Variants in SCD observed in about 807,000 individuals in gnomAD.
The protein encoded by SCD is stearoyl-CoA desaturase.
Under a neutral mutation model 35.7 loss-of-function variants are expected in SCD, and 4 were observed. The observed-to-expected ratio is 0.11, with a 90% CI of 0.06 to 0.26. The LOEUF (loss-of-function observed/expected upper bound fraction) is 0.26. SCD is among the 10% of genes least tolerant of loss of function. The pLI is 1.00. For synonymous variants in SCD, 150 were observed against 170.2 expected (o/e 0.88, Z 0.92); for missense variants, 282 against 460.7 (o/e 0.61, Z 3.55).
Position 100,347,486 on chromosome 10 carries a change from C to A in SCD, c.-19C>A. 1 of 1,613,740 alleles carries A rather than the reference C, an allele frequency of 6.2e-7. No homozygotes were observed. The highest frequency in any genetic ancestry group is 8.5e-7 in the Non-Finnish European group (1 of 1,179,928). On this transcript the variant is annotated 5_prime_UTR_variant, in exon 1 of 6. Coordinates refer to ENST00000370355, the MANE Select transcript of SCD (RefSeq NM_005063.5). ...AGCCTCAGCCCCCTGGAAAGTGATC[C>A]CGGCATCCGAGAGCCAAGATGCCGG... is the stretch of plus-strand genomic sequence containing the variant.
intron 5 of SCD, among the ~76,000 whole-genome samples, chr10:100,357,705 A>C (rs1429620502): frequency 2.6e-5 from 4 of 151,550 alleles, no homozygotes. Flanking sequence ...CATGGTGCCC[A>C]GGCTGGTCTT....
chr10:100,352,713 A>T lies in SCD; in HGVS notation c.441+217A>T, dbSNP rs1024314317. Among the ~76,000 whole-genome samples, 4 of 152,088 alleles carry T rather than the reference A, an allele frequency of 2.6e-5. No homozygotes were observed. In the East Asian group the frequency reaches 7.7e-4, roughly 29 times the overall value. ...GGGAACTGGAAGATAATTGGAAAAT[A>T]CTCCTGATGTGTAGGAATATTTTTG... On this transcript the variant is annotated intron_variant, in intron 3 of 5. Coordinates refer to ENST00000370355, the MANE Select transcript of SCD (RefSeq NM_005063.5). The surrounding 1 kb of genome is among the most constrained non-coding windows in gnomAD (Gnocchi z 4.2).
chr10:100,363,297 G>C lies in SCD; in HGVS notation c.*2364G>C, dbSNP rs1476323522. On this transcript the variant is annotated 3_prime_UTR_variant, in exon 6 of 6. Coordinates refer to ENST00000370355, the MANE Select transcript of SCD (RefSeq NM_005063.5). ...GCTCAGTCATCAAAGCAGAAGTCTG[G>C]CTTTGCTCTATTAAGATTGGAAATG... 1 of 152,270 alleles carries C rather than the reference G, an allele frequency of 6.6e-6. No homozygotes were observed. The highest frequency in any genetic ancestry group is 2.4e-5 in the African/African-American group (1 of 41,450). 9.4% of individuals were successfully genotyped at this position (152,270 alleles called of 1,614,324 possible). A position where few individuals can be genotyped will look rare whatever the true frequency, so the allele number is the denominator to read the frequency against.
rs190204038 is a variant in SCD at position 100,354,022 on chromosome 10, C to A, written c.442-405C>A. Among the ~76,000 whole-genome samples the A allele has an allele frequency of 5.3e-3, 810 of 152,308 alleles. 12 individuals carry two copies. Among genetic ancestry groups the A allele is most frequent in the African/African-American group, 0.018 (749 of 41,570 alleles). Reference sequence around the variant, plus strand: ...GCTGCAGCTTATCTACTGATTGAGACCCTAGGACACAAGGCTGCCTGCCTC... The same window carrying A: ...GCTGCAGCTTATCTACTGATTGAGAACCTAGGACACAAGGCTGCCTGCCTC... On this transcript the variant is annotated intron_variant, in intron 3 of 5. Coordinates refer to ENST00000370355, the MANE Select transcript of SCD (RefSeq NM_005063.5).
intron 1 of SCD, 33 bp from the exon 2 acceptor site, chr10:100,348,031 T>C: frequency 6.2e-7 from 1 of 1,604,100 alleles, no homozygotes; most frequent in Non-Finnish European, 8.5e-7. Context: ...CACGTGTCTC[T>C]TCTCCTGACT....
chr10:100,356,779 C>CA lies in SCD; in HGVS notation c.880+17dup. On this transcript the variant is annotated intron_variant, in intron 5 of 5. Coordinates refer to ENST00000370355, the MANE Select transcript of SCD (RefSeq NM_005063.5). This position sits in a 1 kb window ranked among gnomAD's most constrained non-coding sequence, Gnocchi z 4.1. ...TGGAGCTGTGGGTAAGTCAGCTGTC[C>CA]AAGTAAGACTACATCCAGTGGTCTG... The CA allele has an allele frequency of 6.3e-7, 1 of 1,594,818 alleles. No individual in the cohort carries two copies. Among genetic ancestry groups the CA allele is most frequent in the Non-Finnish European group, 8.6e-7 (1 of 1,162,782 alleles).
Position 100,360,876 on chromosome 10 carries a change from G to T in SCD, c.1023G>T (p.Lys341Asn). Residue 341 changes from lysine (K) to asparagine (N), a missense_variant, in exon 6 of 6, where the codon AAG (lysine) becomes AAT (asparagine). Transcript: ENST00000370355. ...CCTATGACCGGAAGAAAGTCTCCAA[G>T]GCCGCCATCTTGGCCAGGATTAAAA... ...GLAYDRKKVS[K>N]AAILARIKRT... 1 of 1,613,948 alleles carries T rather than the reference G, an allele frequency of 6.2e-7. No individual in the cohort carries two copies. The highest frequency in any genetic ancestry group is 1.1e-5 in the South Asian group (1 of 91,074).
Position 100,356,771 on chromosome 10 carries a change from C to T in SCD, c.880+7C>T. 6.2e-7 allele frequency: 1 copy of T among 1,610,162 alleles called. No individual in the cohort carries two copies. Reference sequence around the variant, plus strand: ...GTTTCACTTGGAGCTGTGGGTAAGTCAGCTGTCCAAGTAAGACTACATCCA... The same window carrying T: ...GTTTCACTTGGAGCTGTGGGTAAGTTAGCTGTCCAAGTAAGACTACATCCA... On this transcript the variant is annotated splice_region_variant and intron_variant, in intron 5 of 5. Transcript: ENST00000370355. The surrounding 1 kb of genome is among the most constrained non-coding windows in gnomAD (Gnocchi z 4.1).
In SCD at chr10:100,348,118, C is replaced by T. The variant is rs777488424; in HGVS notation, c.82C>T (p.Leu28=). The T allele has an allele frequency of 5.0e-6, 8 of 1,613,866 alleles. No individual in the cohort carries two copies. The highest frequency in any genetic ancestry group is 5.9e-6 in the Non-Finnish European group (7 of 1,179,844). Residue 28 remains leucine (L), a synonymous_variant, in exon 2 of 6, where the codon CTG becomes TTG. Transcript: ENST00000370355. ...CATTACAGCGCCTCCCTCCAGGGTC[C>T]TGCAGAATGGAGGAGATAAGTTGGA... ...TTITAPPSRV[L]QNGGDKLETM...
chr10:100,355,141 G>A lies in SCD; in HGVS notation c.647+509G>A, dbSNP rs530246317. Among the ~76,000 whole-genome samples the A allele has an allele frequency of 4.9e-4, 74 of 152,296 alleles. 1 individual carries two copies. The highest frequency in any genetic ancestry group is 2.2e-4 in the Non-Finnish European group (15 of 68,032). On this transcript the variant is annotated intron_variant, in intron 4 of 5. Transcript: ENST00000370355. ...TCTCACTCACTATATTGCCCAGGCC[G>A]GTAGCTTAGTTCTTACCTTCAAAAA...
At position 100,361,140 on chromosome 10, in the gene SCD, C is replaced by T; in HGVS notation, c.*207C>T. The T allele has an allele frequency of 1.7e-6, 1 of 574,924 alleles. No homozygotes were observed. The highest frequency in any genetic ancestry group is 1.9e-5 in the African/African-American group (1 of 53,488). The allele number at this position is 574,924 out of a possible 1,614,324, so 35.6% of individuals were successfully genotyped here. ...AGCTGATATTATTTCTTCTCTTATC[C>T]TCTCTCTCTTCTAGGCCCATTGTCC... On this transcript the variant is annotated 3_prime_UTR_variant, in exon 6 of 6. Transcript: ENST00000370355.
At chr10:100,348,580 T>C (rs1445500001) in intron 2 of SCD, among the ~76,000 whole-genome samples, 1 of 112,768 alleles carries the variant, frequency 8.9e-6, no homozygotes. Flanking sequence ...CTTGTGGGCT[T>C]TGAAGTGTGC....
At chr10:100,355,019 T>C (rs1589699140) in intron 4 of SCD, among the ~76,000 whole-genome samples, 1 of 152,156 alleles carries the variant, frequency 6.6e-6, no homozygotes, top group East Asian at 1.9e-4. Flanking sequence ...CAGCCTTGAC[T>C]TCCCAGGCTC....
chr10:100,347,458 C>T lies in SCD; in HGVS notation c.-47C>T. 1 of 1,609,148 alleles carries T rather than the reference C, an allele frequency of 6.2e-7. No homozygotes were observed. The highest frequency in any genetic ancestry group is 1.1e-5 in the South Asian group (1 of 90,566). On this transcript the variant is annotated 5_prime_UTR_variant, in exon 1 of 6. Transcript: ENST00000370355. ...CCTCCGGCGACCCCGAACTCCGCTCCGGAGCCTCAGCCCCCTGGAAAGTGA... is the reference window on the plus strand; with the variant it reads ...CCTCCGGCGACCCCGAACTCCGCTCTGGAGCCTCAGCCCCCTGGAAAGTGA...
At chr10:100,349,292 C>A (rs1028261260) in intron 2 of SCD, among the ~76,000 whole-genome samples, 27 of 152,246 alleles carry the variant, frequency 1.8e-4, no homozygotes, top group Admixed American at 1.5e-3. Flanking sequence ...CCTGGATACA[C>A]ACATGCGCTT....
chr10:100,359,250 T>C (rs1849964393), intron 5 of SCD, among the ~76,000 whole-genome samples: 1 of 152,142 alleles, frequency 6.6e-6, no homozygotes, highest in Non-Finnish European at 1.5e-5. Flanking sequence ...CACCTCACCC[T>C]TTGTTCTCCT....
chr10:100,348,524 A>G (rs890369743), intron 2 of SCD, among the ~76,000 whole-genome samples, 178 bp downstream of exon 2: 2 of 152,262 alleles, frequency 1.3e-5, no homozygotes, highest in Admixed American at 6.5e-5. Flanking sequence ...GGGTACTGAG[A>G]TGCAGGACTG....
At chr10:100,355,801 G>T (rs1849921563) in intron 4 of SCD, among the ~76,000 whole-genome samples, 1 of 152,180 alleles carries the variant, frequency 6.6e-6, no homozygotes, top group African/African-American at 2.4e-5. Flanking sequence ...GGTCTACATT[G>T]AGAATGAAGA....
Position 100,361,152 on chromosome 10 carries a change from T to C in SCD, c.*219T>C. Reference sequence around the variant, plus strand: ...TTCTTCTCTTATCCTCTCTCTCTTCTAGGCCCATTGTCCTCCTTTTCACTT... The same window carrying C: ...TTCTTCTCTTATCCTCTCTCTCTTCCAGGCCCATTGTCCTCCTTTTCACTT... On this transcript the variant is annotated 3_prime_UTR_variant, in exon 6 of 6. Coordinates refer to ENST00000370355, the MANE Select transcript of SCD (RefSeq NM_005063.5). 1 of 555,310 alleles carries C rather than the reference T, an allele frequency of 1.8e-6. No homozygotes were observed. The highest frequency in any genetic ancestry group is 3.2e-6 in the Non-Finnish European group (1 of 313,510). The allele number at this position is 555,310 out of a possible 1,614,324, so 34.4% of individuals were successfully genotyped here.
Sources: allele counts gnomAD v4.1 joint callset (sites outside exome capture counted in the v4.1 genomes callset), GRCh38; gene constraint gnomAD v4.1.1; non-coding constraint Gnocchi (gnomAD v3.1); transcripts MANE v1.5; gene names NCBI Gene and HGNC (gene_info 2026-07-23, HGNC 2026-07-21).